CLNS1A: variants seen among roughly 807,000 people sequenced by gnomAD.
CLNS1A encodes the protein chloride nucleotide-sensitive channel 1A, also known as methylosome subunit pICln.
A neutral mutation model predicts 29.4 loss-of-function variants in CLNS1A; 16 were observed. That is an observed-to-expected ratio of 0.54 (90% CI 0.37 to 0.83). The LOEUF (loss-of-function observed/expected upper bound fraction) is 0.83. Ranked by LOEUF, CLNS1A falls within the 40% of genes least tolerant of loss-of-function variation. The pLI is 0.00. For missense variants in CLNS1A, 235 were observed against 287.4 expected (o/e 0.82, Z 1.32); for synonymous variants, 96 against 104.8 (o/e 0.92, Z 0.51).
At chr11:77,617,367 CA>C (rs71043593) in intron 6 of CLNS1A, among the ~76,000 whole-genome samples, 19,261 of 65,012 alleles carry the variant, frequency 0.3, 1,568 homozygotes, top group East Asian at 0.38. Flanking sequence ...AACTCCATCT[CA>C]AAAAAAAAAA....
rs1429231280 is a variant in CLNS1A, at chr11:77,637,343, A to G, written c.125+247T>C. Among the ~76,000 whole-genome samples the G allele has an allele frequency of 6.0e-5, 9 of 149,864 alleles. No individual in the cohort carries two copies. The East Asian group carries it at 9.7e-4, about 16-fold the overall frequency. On this transcript the variant is annotated intron_variant, in intron 1 of 6. Transcript: ENST00000525428. ...AAAGAGAAAGAGGAAAAAAAGAAAA[A>G]AAAAAAAAAAAAGCACAATCCATAA...
intron 1 of CLNS1A, among the ~76,000 whole-genome samples, chr11:77,636,008 C>T (rs1394754376): frequency 6.6e-6 from 1 of 152,196 alleles, no homozygotes; most frequent in Non-Finnish European, 1.5e-5. Flanking sequence ...TATACACTAA[C>T]ACTTTAACGA....
chr11:77,619,359 T>C lies in CLNS1A; in HGVS notation c.*22+247A>G, dbSNP rs368112130. 9.4e-4 allele frequency: 378 copies of C among 400,318 alleles called. 5 individuals carry two copies. In the South Asian group the frequency reaches 0.01, roughly 11 times the overall value. 24.8% of individuals were successfully genotyped at this position (400,318 alleles called of 1,614,324 possible). Reference sequence around the variant, plus strand: ...CCAGCCTGGGCAACATGTGAGACCTTGTCTCTACGTAAAATTTTAAAATAA... The same window carrying C: ...CCAGCCTGGGCAACATGTGAGACCTCGTCTCTACGTAAAATTTTAAAATAA... On this transcript the variant is annotated intron_variant, in intron 6 of 6. Transcript: ENST00000525428.
Position 77,616,417 on chromosome 11 carries a change from A to C in CLNS1A, c.*301T>G, listed in dbSNP as rs1397020152. 6.6e-6 allele frequency: 1 copy of C among 152,632 alleles called. No homozygotes were observed. The highest frequency in any genetic ancestry group is 2.4e-5 in the African/African-American group (1 of 41,452). 9.5% of individuals were successfully genotyped at this position (152,632 alleles called of 1,614,324 possible). A position where few individuals can be genotyped will look rare whatever the true frequency, so the allele number is the denominator to read the frequency against. ...CTGCTAGCTTACAAATGATGCACAC[A>C]GTCAAGGTAGGAATTATAGGCCTAC... On this transcript the variant is annotated 3_prime_UTR_variant, in exon 7 of 7. Coordinates refer to ENST00000525428, the MANE Select transcript of CLNS1A (RefSeq NM_001293.3).
At chr11:77,630,579 G>C (rs575794708) in intron 1 of CLNS1A, among the ~76,000 whole-genome samples, 1 of 152,232 alleles carries the variant, frequency 6.6e-6, no homozygotes, top group South Asian at 2.1e-4. Flanking sequence ...TTTATTCAAC[G>C]TCTTTAAGAG....
At chr11:77,628,211 T>C (rs1318130419) in intron 2 of CLNS1A, among the ~76,000 whole-genome samples, 1 of 152,224 alleles carries the variant, frequency 6.6e-6, no homozygotes, top group Non-Finnish European at 1.5e-5. Flanking sequence ...TCTTGGCATG[T>C]ACCTTTCCCA....
At chr11:77,625,953 A>T in intron 2 of CLNS1A, 135 bp from the exon 3 acceptor site, 1 of 844,536 alleles carries the variant, frequency 1.2e-6, no homozygotes, top group African/African-American at 1.7e-5. Flanking sequence ...TGGTTGAAAA[A>T]TTCTGATTAT....
chr11:77,623,487 G>A (rs11237243), intron 4 of CLNS1A, among the ~76,000 whole-genome samples: 7,204 of 151,846 alleles, frequency 0.047, 235 homozygotes, highest in Non-Finnish European at 0.068. Flanking sequence ...TCAGCTAATC[G>A]GGAGACTGGG....
chr11:77,634,420 T>A (rs550772841), intron 1 of CLNS1A, among the ~76,000 whole-genome samples: 2 of 152,294 alleles, frequency 1.3e-5, no homozygotes, highest in East Asian at 3.9e-4. Context: ...TGTATTTATG[T>A]TTCACACACA....
intron 2 of CLNS1A, among the ~76,000 whole-genome samples, chr11:77,629,462 C>T (rs957337361): frequency 2.6e-5 from 4 of 151,128 alleles, no homozygotes; most frequent in East Asian, 3.9e-4. Flanking sequence ...GGCATGATCT[C>T]GGCTCACTAC....
At chr11:77,636,323 C>T (rs537978542) in intron 1 of CLNS1A, among the ~76,000 whole-genome samples, 3 of 152,316 alleles carry the variant, frequency 2.0e-5, no homozygotes, top group African/African-American at 7.2e-5. Flanking sequence ...CTGCCTCAGC[C>T]TCCCAAAGTG....
chr11:77,625,970 A>G, intron 2 of CLNS1A, 152 bp from the exon 3 acceptor site: 1 of 776,960 alleles, frequency 1.3e-6, no homozygotes, highest in Non-Finnish European at 2.0e-6. Flanking sequence ...TTATACAGTG[A>G]GCATCCTAGA....
intron 1 of CLNS1A, among the ~76,000 whole-genome samples, chr11:77,631,546 T>C (rs1022485899): frequency 2.0e-5 from 3 of 152,026 alleles, no homozygotes; most frequent in African/African-American, 7.2e-5. Flanking sequence ...CTGGATCTCC[T>C]GACCTCGTGA....
At chr11:77,622,184 A>G in intron 5 of CLNS1A, 1 of 410,832 alleles carries the variant, frequency 2.4e-6, no homozygotes, top group South Asian at 1.9e-5. Flanking sequence ...CTAGCAAACT[A>G]ATACACAGAT....
Position 77,616,275 on chromosome 11 carries a change from G to A in CLNS1A, c.*443C>T, listed in dbSNP as rs993650985. Reference sequence around the variant, plus strand: ...GTTACAGAAACTAACCTAAAAGGCTGGAAATTAAAGGATACAACCTAAGAG... The same window carrying A: ...GTTACAGAAACTAACCTAAAAGGCTAGAAATTAAAGGATACAACCTAAGAG... On this transcript the variant is annotated 3_prime_UTR_variant, in exon 7 of 7. Transcript: ENST00000525428. 5.3e-5 allele frequency: 8 copies of A among 152,138 alleles called. No homozygotes were observed. Among genetic ancestry groups the A allele is most frequent in the African/African-American group, 1.9e-4 (8 of 41,430 alleles). 9.4% of individuals were successfully genotyped at this position (152,138 alleles called of 1,614,324 possible). A position where few individuals can be genotyped will look rare whatever the true frequency, so the allele number is the denominator to read the frequency against.
At chr11:77,617,530 G>A (rs1374607266) in intron 6 of CLNS1A, among the ~76,000 whole-genome samples, 2 of 150,614 alleles carry the variant, frequency 1.3e-5, no homozygotes, top group African/African-American at 4.9e-5. Flanking sequence ...AACAGAGCGA[G>A]ACTCCCGTGT....
At position 77,636,374 on chromosome 11, in the gene CLNS1A, G is replaced by A. The variant is rs572501574; in HGVS notation, c.125+1216C>T. Among the ~76,000 whole-genome samples the A allele has an allele frequency of 3.3e-5, 5 of 152,052 alleles. No individual in the cohort carries two copies. In the East Asian group the frequency reaches 5.8e-4, roughly 18 times the overall value. The stretch of plus-strand genomic sequence containing the variant: ...TGAGCCACCGCGCCCGGCCCAACAC[G>A]GTCATATGTACAACTACTCCACACA... On this transcript the variant is annotated intron_variant, in intron 1 of 6. Transcript: ENST00000525428.
At chr11:77,632,012 C>T (rs1311978877) in intron 1 of CLNS1A, among the ~76,000 whole-genome samples, 1 of 152,238 alleles carries the variant, frequency 6.6e-6, no homozygotes, top group Non-Finnish European at 1.5e-5. Flanking sequence ...GCCAGTATTA[C>T]AGGCGTGAGC....
At chr11:77,627,476 T>C (rs983805420) in intron 2 of CLNS1A, among the ~76,000 whole-genome samples, 16 of 150,420 alleles carry the variant, frequency 1.1e-4, no homozygotes, top group African/African-American at 2.4e-5. Flanking sequence ...GGAGAATTAG[T>C]GAAATAAATG....
Sources: allele counts gnomAD v4.1 joint callset (sites outside exome capture counted in the v4.1 genomes callset), GRCh38; gene constraint gnomAD v4.1.1; transcripts MANE v1.5; gene names NCBI Gene and HGNC (gene_info 2026-07-23, HGNC 2026-07-21).